COL22A1: variants seen among roughly 807,000 people sequenced by gnomAD.
COL22A1 encodes collagen alpha-1(XXII) chain.
A neutral mutation model predicts 248.9 loss-of-function variants in COL22A1; 221 were observed. The ratio of observed to expected loss-of-function variants is 0.89; its 90% CI spans 0.80 to 0.99. The LOEUF (loss-of-function observed/expected upper bound fraction) is 0.99, where lower values mean the gene tolerates loss of function less well. Among genes scored for constraint, COL22A1 ranks in the 50% least tolerant of loss-of-function variants. COL22A1 has a pLI of 0.00. For missense variants in COL22A1, 2,240 were observed against 2,179.0 expected (o/e 1.03, Z -0.56); for synonymous variants, 891 against 793.4 (o/e 1.12, Z -2.07).
chr8:138,719,899 T>C (rs1829740929), intron 27 of COL22A1, among the ~76,000 whole-genome samples: 1 of 152,182 alleles, frequency 6.6e-6, no homozygotes. Flanking sequence ...GGGAGCCCTG[T>C]GGGTGGAGGG....
chr8:138,715,958 G>C (rs992923631), intron 29 of COL22A1, among the ~76,000 whole-genome samples: 9 of 152,198 alleles, frequency 5.9e-5, no homozygotes, highest in African/African-American at 2.2e-4. Flanking sequence ...TCCCCTGACA[G>C]ATGGTGCCTT....
intron 3 of COL22A1, among the ~76,000 whole-genome samples, chr8:138,844,874 C>A (rs544331404): frequency 6.8e-6 from 1 of 147,174 alleles, no homozygotes; most frequent in Admixed American, 6.9e-5. Flanking sequence ...GGTGTGAATC[C>A]GGGAGGCGGA....
intron 21 of COL22A1, among the ~76,000 whole-genome samples, chr8:138,754,031 T>C (rs1167984240): frequency 6.6e-6 from 1 of 152,250 alleles, no homozygotes; most frequent in African/African-American, 2.4e-5. Context: ...TATGTGACTT[T>C]GTGCAAACCA....
chr8:138,827,269 G>C (rs936986204), intron 5 of COL22A1: 3 of 162,948 alleles, frequency 1.8e-5, no homozygotes, highest in Non-Finnish European at 4.1e-5. Flanking sequence ...TCACACCAAG[G>C]TGATGGTAAC....
chr8:138,625,364 C>T (rs932433170), intron 51 of COL22A1, among the ~76,000 whole-genome samples: 3 of 152,074 alleles, frequency 2.0e-5, no homozygotes, highest in Non-Finnish European at 2.9e-5. Flanking sequence ...AAAGAAGGCA[C>T]AGTGGAGGGC....
chr8:138,620,340 T>C (rs1317660262), intron 52 of COL22A1: 1 of 152,076 alleles, frequency 6.6e-6, no homozygotes, highest in Non-Finnish European at 1.5e-5. Context: ...TTTACAAGTT[T>C]TAAACCTTGG....
intron 52 of COL22A1, among the ~76,000 whole-genome samples, chr8:138,619,845 G>A (rs1009107670): frequency 3.3e-5 from 5 of 152,250 alleles, no homozygotes; most frequent in African/African-American, 1.2e-4. Context: ...ATGCCCACTT[G>A]CAAAAACCAT....
intron 3 of COL22A1, among the ~76,000 whole-genome samples, chr8:138,874,141 G>GATTCC (rs1823539429): frequency 6.6e-6 from 1 of 152,308 alleles, no homozygotes; most frequent in South Asian, 2.1e-4. Context: ...ATTGTAAGGG[G>GATTCC]ATTTCATTTC....
chr8:138,684,589 T>G, intron 38 of COL22A1, 120 bp from the exon 39 acceptor site: 1 of 744,376 alleles, frequency 1.3e-6, no homozygotes, highest in Non-Finnish European at 2.4e-6. Context: ...AGACTCACTA[T>G]GACCTGACTT....
intron 31 of COL22A1, among the ~76,000 whole-genome samples, chr8:138,703,002 G>A (rs1374288116): frequency 6.6e-6 from 1 of 152,184 alleles, no homozygotes; most frequent in East Asian, 1.9e-4. Flanking sequence ...GTCTTACGCT[G>A]GGCAAACTGC....
chr8:138,879,690 C>CAAAAAAAAAAAAA (rs372214665), intron 2 of COL22A1, among the ~76,000 whole-genome samples: 1 of 99,044 alleles, frequency 1.0e-5, no homozygotes, highest in African/African-American at 4.5e-5. Flanking sequence ...GACACTCTCT[C>CAAAAAAAAAAAAA]AAAAAAAAAA....
chr8:138,871,017 G>A (rs1563868040), intron 3 of COL22A1, among the ~76,000 whole-genome samples: 1 of 152,102 alleles, frequency 6.6e-6, no homozygotes, highest in African/African-American at 2.4e-5. Flanking sequence ...GGACAGAGGT[G>A]GGAGTGTGGC....
rs780689857 is a variant in COL22A1 at position 138,663,709 on chromosome 8, G to C, written c.3182C>G (p.Ser1061Cys). 1 of 1,608,858 alleles carries C rather than the reference G, an allele frequency of 6.2e-7. No individual in the cohort carries two copies. The highest frequency in any genetic ancestry group is 8.5e-7 in the Non-Finnish European group (1 of 1,175,370). Reference protein sequence around the residue: ...GPSGPPGDKGSPGSRGLPGFP... With the variant: ...GPSGPPGDKGCPGSRGLPGFP... ...TTTATTTAAAGCATACTGTACCGGGGATCCTTTGTCTCCTGGTGGTCCGGA... is the reference window on the plus strand; with the variant it reads ...TTTATTTAAAGCATACTGTACCGGGCATCCTTTGTCTCCTGGTGGTCCGGA... Residue 1061 changes from serine (S) to cysteine (C), a missense_variant, in exon 42 of 65, where the codon TCC becomes TGC. By Grantham distance (112) the Ser-to-Cys change is moderately radical. Coordinates refer to ENST00000303045, the MANE Select transcript of COL22A1 (RefSeq NM_152888.3).
At chr8:138,886,501 C>T (rs1824678992) in intron 1 of COL22A1, among the ~76,000 whole-genome samples, 1 of 152,178 alleles carries the variant, frequency 6.6e-6, no homozygotes. Flanking sequence ...CAGGGAAATA[C>T]TGAACTCAGA....
At chr8:138,598,240 G>A (rs1475685634) in intron 61 of COL22A1, among the ~76,000 whole-genome samples, 1 of 152,026 alleles carries the variant, frequency 6.6e-6, no homozygotes, top group Non-Finnish European at 1.5e-5. Context: ...GAGAAAGAGA[G>A]ACGCAGGGGG....
chr8:138,793,810 T>A (rs982598792), intron 12 of COL22A1, among the ~76,000 whole-genome samples: 6 of 152,182 alleles, frequency 3.9e-5, no homozygotes, highest in Non-Finnish European at 7.4e-5. Context: ...GAGGCAGAGA[T>A]GTCCTGCAGC....
chr8:138,598,290 T>G (rs1564078848), intron 61 of COL22A1, among the ~76,000 whole-genome samples: 1 of 152,144 alleles, frequency 6.6e-6, no homozygotes, highest in Non-Finnish European at 1.5e-5. Context: ...AAGAGTGGCA[T>G]AGCCAGGCAT....
At chr8:138,595,121 C>A (rs920997815) in intron 62 of COL22A1, among the ~76,000 whole-genome samples, 1 of 152,092 alleles carries the variant, frequency 6.6e-6, no homozygotes, top group African/African-American at 2.4e-5. Context: ...CTACCCAAGG[C>A]CCCCGGCGTT....
intron 16 of COL22A1, 122 bp from the exon 17 acceptor site, chr8:138,762,588 G>GCA (rs5895560): frequency 0.048 from 26,219 of 547,402 alleles, 221 homozygotes; most frequent in African/African-American, 0.06. Context: ...AAACGCACGT[G>GCA]CACACACACA....
Sources: gnomAD v4.1 joint callset for allele counts (sites outside exome capture counted in the v4.1 genomes callset) on GRCh38, gnomAD v4.1.1 for gene constraint, MANE v1.5 for transcripts, NCBI Gene and HGNC (gene_info 2026-07-23, HGNC 2026-07-21) for gene names.